The following SYT1 variants were observed in gnomAD, a reference collection of about 807,000 sequenced individuals.
SYT1 encodes synaptotagmin-1.
In SYT1, 8 loss-of-function variants were observed where a neutral mutation model predicts 44.8. The observed-to-expected ratio is 0.18, with a 90% CI of 0.10 to 0.32. The LOEUF (loss-of-function observed/expected upper bound fraction) is 0.32. Ranked by LOEUF, SYT1 falls within the 10% of genes least tolerant of loss-of-function variation. The pLI is 1.00. For missense variants in SYT1, 286 were observed against 509.3 expected (o/e 0.56, Z 4.22); for synonymous variants, 154 against 188.8 (o/e 0.82, Z 1.51).
chr12:79,104,196 A>G (rs1847930582), intron 3 of SYT1, among the ~76,000 whole-genome samples: 1 of 151,726 alleles, frequency 6.6e-6, no homozygotes, highest in Non-Finnish European at 1.5e-5. Context: ...ATCAGACAAC[A>G]CTCATCTCAA....
At chr12:79,026,926 A>G (rs1343452485) in intron 2 of SYT1, among the ~76,000 whole-genome samples, 1 of 151,430 alleles carries the variant, frequency 6.6e-6, no homozygotes, top group East Asian at 1.9e-4. Context: ...AAGGGAATGG[A>G]GAAAAGGGAA....
At chr12:79,424,587 T>A (rs1163282512) in intron 9 of SYT1, among the ~76,000 whole-genome samples, 4 of 152,164 alleles carry the variant, frequency 2.6e-5, no homozygotes, top group Non-Finnish European at 1.5e-5. Context: ...TTGTACAGTT[T>A]TTCTTGCTCA....
At chr12:78,984,422 T>C (rs1295605523) in intron 2 of SYT1, among the ~76,000 whole-genome samples, 1 of 152,018 alleles carries the variant, frequency 6.6e-6, no homozygotes, top group Non-Finnish European at 1.5e-5. Flanking sequence ...AAAACATGCA[T>C]TTTATATAGC....
intron 4 of SYT1, among the ~76,000 whole-genome samples, chr12:79,257,905 T>C (rs1012802040): frequency 1.4e-4 from 21 of 152,102 alleles, no homozygotes; most frequent in Admixed American, 2.6e-4. Flanking sequence ...CCTTACTGTA[T>C]ATAGTGGGTT....
chr12:78,876,842 ATATATATTATATAT>A, intron 1 of SYT1, among the ~76,000 whole-genome samples: 2 of 64,446 alleles, frequency 3.1e-5, no homozygotes, highest in African/African-American at 1.5e-4. Context: ...ATTATATATA[ATATATATTATATAT>A]AATATATATA....
At chr12:79,109,365 C>T (rs1305919252) in intron 3 of SYT1, among the ~76,000 whole-genome samples, 1 of 152,166 alleles carries the variant, frequency 6.6e-6, no homozygotes, top group Non-Finnish European at 1.5e-5. Flanking sequence ...ACTGCTTTCA[C>T]CATTTTGTAG....
At chr12:79,398,702 A>G (rs1283965352) in intron 9 of SYT1, among the ~76,000 whole-genome samples, 1 of 152,208 alleles carries the variant, frequency 6.6e-6, no homozygotes, top group African/African-American at 2.4e-5. Context: ...GTATCAAAAC[A>G]TTTGCAAATA....
chr12:79,091,790 T>C (rs1223549313), intron 3 of SYT1, among the ~76,000 whole-genome samples: 1 of 151,948 alleles, frequency 6.6e-6, no homozygotes, highest in African/African-American at 2.4e-5. Context: ...GTAGTTTTCT[T>C]TTAAGTCATA....
chr12:79,395,804 A>G (rs557379073), intron 9 of SYT1, among the ~76,000 whole-genome samples: 25 of 152,392 alleles, frequency 1.6e-4, no homozygotes, highest in Non-Finnish European at 3.1e-4. Context: ...TAGAAATATC[A>G]AAGAAGAGAA....
chr12:79,103,207 A>T (rs1415980734), intron 3 of SYT1, among the ~76,000 whole-genome samples: 1 of 152,184 alleles, frequency 6.6e-6, no homozygotes, highest in African/African-American at 2.4e-5. Context: ...GTGCTCATTC[A>T]AAAAAGTGAA....
At position 78,941,768 on chromosome 12, in the gene SYT1, G is replaced by A. The variant is rs144887986; in HGVS notation, c.-216-36031G>A. ...TTATAAATGCTTCTTCTTCCTCCTTGAGCTAATAGACACCTGGTCAGTTCA... is the reference window on the plus strand; with the variant it reads ...TTATAAATGCTTCTTCTTCCTCCTTAAGCTAATAGACACCTGGTCAGTTCA... On this transcript the variant is annotated intron_variant, in intron 1 of 10. Coordinates refer to ENST00000261205, the MANE Select transcript of SYT1 (RefSeq NM_005639.3). Among the ~76,000 whole-genome samples the A allele has an allele frequency of 5.0e-3, 764 of 152,172 alleles. 3 individuals carry two copies. Among genetic ancestry groups the A allele is most frequent in the Non-Finnish European group, 8.0e-3 (544 of 68,012 alleles).
intron 2 of SYT1, among the ~76,000 whole-genome samples, chr12:79,026,685 A>ATC: frequency 7.3e-6 from 1 of 137,500 alleles, no homozygotes; most frequent in Non-Finnish European, 1.6e-5. Flanking sequence ...ATATATATAT[A>ATC]TATATATATA....
At chr12:79,085,592 T>C (rs975989430) in intron 3 of SYT1, among the ~76,000 whole-genome samples, 1 of 152,140 alleles carries the variant, frequency 6.6e-6, no homozygotes, top group African/African-American at 2.4e-5. Context: ...CATAGAAAGA[T>C]GTAACCAAAG....
chr12:79,048,402 A>G (rs545215454), intron 3 of SYT1, among the ~76,000 whole-genome samples: 3 of 152,018 alleles, frequency 2.0e-5, no homozygotes, highest in Non-Finnish European at 3.0e-5. Context: ...ATGATTGGGT[A>G]TAATTAATCA....
At chr12:79,354,465 A>T (rs1008764219) in intron 9 of SYT1, among the ~76,000 whole-genome samples, 7 of 152,162 alleles carry the variant, frequency 4.6e-5, no homozygotes, top group African/African-American at 1.7e-4. Context: ...AAATATTGCA[A>T]ACTTCAAAAG....
intron 2 of SYT1, among the ~76,000 whole-genome samples, chr12:79,039,049 T>C (rs1236487985): frequency 6.6e-6 from 1 of 152,014 alleles, no homozygotes; most frequent in Non-Finnish European, 1.5e-5. Context: ...GCAAAAATTA[T>C]TTGTATATTT....
intron 9 of SYT1, among the ~76,000 whole-genome samples, chr12:79,376,603 T>C (rs1884005657): frequency 6.6e-6 from 1 of 152,198 alleles, no homozygotes; most frequent in Admixed American, 6.5e-5. Context: ...CTTAGCCGTC[T>C]GGGAATGCAG....
At chr12:79,438,927 A>G (rs963594129) in intron 9 of SYT1, among the ~76,000 whole-genome samples, 4 of 152,204 alleles carry the variant, frequency 2.6e-5, no homozygotes, top group African/African-American at 7.2e-5. Context: ...GAAACCAGAA[A>G]GAAGAAAACA....
At position 79,293,380 on chromosome 12, in the gene SYT1, TAAAATAAAATAAAATAAAATA is replaced by T. The variant is rs1565894532; in HGVS notation, c.474+1254_474+1274del. On this transcript the variant is annotated intron_variant, in intron 6 of 10. Transcript: ENST00000261205. ...TAAAATAAAATAAAATAAAATAAAA[TAAAATAAAATAAAATAAAATA>T]AAATAAAATTAAAAAATCTGTAAGA... Among the ~76,000 whole-genome samples the T allele has an allele frequency of 2.0e-4, 27 of 135,228 alleles. No individual in the cohort carries two copies. In the East Asian group the frequency reaches 2.1e-3, roughly 10 times the overall value. The allele number at this position is 135,228 out of a possible 152,430, so 88.7% of individuals were successfully genotyped here.
Sources: allele counts gnomAD v4.1 joint callset (sites outside exome capture counted in the v4.1 genomes callset), GRCh38; gene constraint gnomAD v4.1.1; transcripts MANE v1.5; gene names NCBI Gene and HGNC (gene_info 2026-07-23, HGNC 2026-07-21).